MTUS2: variants seen among roughly 807,000 people sequenced by gnomAD.
The protein encoded by MTUS2 is microtubule associated scaffold protein 2, also known as microtubule-associated tumor suppressor candidate 2.
MTUS2 carries 40 observed loss-of-function variants against 114.1 expected under a neutral mutation model. The observed-to-expected ratio is 0.35, with a 90% CI of 0.27 to 0.46. MTUS2 has a LOEUF of 0.46. Among genes scored for constraint, MTUS2 ranks in the 20% least tolerant of loss-of-function variants. MTUS2 has a pLI of 1.00. For missense variants in MTUS2, 1,679 were observed against 1,705.4 expected, an observed-to-expected ratio of 0.98 and a Z score of 0.27; for synonymous variants, 688 against 672.0, an observed-to-expected ratio of 1.02 and a Z score of -0.37.
chr13:29,139,683 T>C (rs1475465), intron 5 of MTUS2, among the ~76,000 whole-genome samples: 115,009 of 152,114 alleles, frequency 0.76, 43,780 homozygotes, highest in African/African-American at 0.82. Context: ...CATTGTCTTA[T>C]ATTATAAGGA....
At chr13:28,994,884 G>A (rs1180165205) in intron 2 of MTUS2, among the ~76,000 whole-genome samples, 1 of 152,096 alleles carries the variant, frequency 6.6e-6, no homozygotes, top group Non-Finnish European at 1.5e-5. Context: ...TTCTTTTGCT[G>A]TGCAGAAGCT....
intron 5 of MTUS2, among the ~76,000 whole-genome samples, chr13:29,180,817 A>G (rs1163550768): frequency 6.6e-6 from 1 of 152,192 alleles, no homozygotes; most frequent in South Asian, 2.1e-4. Flanking sequence ...TGTCCGGGGT[A>G]GCCTTTGGCC....
At chr13:28,844,242 G>T (rs1875708554) in intron 2 of MTUS2, among the ~76,000 whole-genome samples, 1 of 152,160 alleles carries the variant, frequency 6.6e-6, no homozygotes, top group Non-Finnish European at 1.5e-5. Flanking sequence ...TTTGAAGGTT[G>T]AGTTTGGTTT....
chr13:28,946,279 G>A (rs972157697), intron 2 of MTUS2, among the ~76,000 whole-genome samples: 2 of 68,634 alleles, frequency 2.9e-5, no homozygotes, highest in Non-Finnish European at 7.6e-5. Flanking sequence ...CTGCGTGTGT[G>A]TGTGTGTGTG....
At chr13:28,880,972 A>G (rs575329473) in intron 2 of MTUS2, among the ~76,000 whole-genome samples, 1 of 152,276 alleles carries the variant, frequency 6.6e-6, no homozygotes, top group African/African-American at 2.4e-5. Flanking sequence ...AATCACCAAG[A>G]TACTTTTGTT....
intron 2 of MTUS2, among the ~76,000 whole-genome samples, chr13:28,905,635 G>A (rs1285019598): frequency 6.6e-6 from 1 of 151,654 alleles, no homozygotes; most frequent in East Asian, 1.9e-4. Flanking sequence ...GCTTTTTGAT[G>A]TGCTGCTGGA....
At chr13:29,436,671 G>T (rs1019314552) in intron 8 of MTUS2, among the ~76,000 whole-genome samples, 1 of 151,964 alleles carries the variant, frequency 6.6e-6, no homozygotes, top group African/African-American at 2.4e-5. Context: ...GGGTGGATGG[G>T]GTCATTTTCA....
chr13:29,020,983 T>A (rs1478005597), intron 2 of MTUS2, among the ~76,000 whole-genome samples: 1 of 152,234 alleles, frequency 6.6e-6, no homozygotes, highest in African/African-American at 2.4e-5. Context: ...AATTAAATTT[T>A]AGGCCAGGTG....
rs1188425783 is a variant in MTUS2 at position 28,820,418 on chromosome 13, AGGGCAAGTTTATCTCCCCCC to A, written c.-508_-489del. ...ACCTGCGCCGCCGCCGCCGGCTCTC[AGGGCAAGTTTATCTCCCCCC>A]TTCTGCGGAAACCCTTGACCGCTTA... On this transcript the variant is annotated 5_prime_UTR_variant, in exon 1 of 16. Transcript: ENST00000612955. 3 of 151,964 alleles carry A rather than the reference AGGGCAAGTTTATCTCCCCCC, an allele frequency of 2.0e-5. No individual in the cohort carries two copies. The highest frequency in any genetic ancestry group is 4.4e-5 in the Non-Finnish European group (3 of 68,014). The allele number at this position is 151,964 out of a possible 1,614,324, so 9.4% of individuals were successfully genotyped here. A position where few individuals can be genotyped will look rare whatever the true frequency, so the allele number is the denominator to read the frequency against.
chr13:29,462,461 G>A (rs929083738), intron 9 of MTUS2, among the ~76,000 whole-genome samples: 1 of 152,144 alleles, frequency 6.6e-6, no homozygotes, highest in Admixed American at 6.5e-5. Flanking sequence ...AGAGAAAACA[G>A]TTGGGGCCAT....
chr13:29,326,400 G>C (rs1223630742), intron 7 of MTUS2, among the ~76,000 whole-genome samples: 1 of 152,122 alleles, frequency 6.6e-6, no homozygotes, highest in Non-Finnish European at 1.5e-5. Flanking sequence ...TCTAGAGAAA[G>C]AGTAAAAATA....
chr13:28,881,937 G>T (rs897039046), intron 2 of MTUS2, among the ~76,000 whole-genome samples: 1 of 152,166 alleles, frequency 6.6e-6, no homozygotes, highest in African/African-American at 2.4e-5. Flanking sequence ...TTTTGACAAA[G>T]GTATCAAGGT....
chr13:28,872,238 A>C (rs1437378525), intron 2 of MTUS2, among the ~76,000 whole-genome samples: 1 of 152,126 alleles, frequency 6.6e-6, no homozygotes, highest in East Asian at 1.9e-4. Flanking sequence ...GGATGTTTTA[A>C]AAGATATGTT....
chr13:29,389,359 G>GTATA, intron 8 of MTUS2, among the ~76,000 whole-genome samples: 2 of 82,798 alleles, frequency 2.4e-5, no homozygotes, highest in Non-Finnish European at 4.6e-5. Flanking sequence ...GTGTATATAT[G>GTATA]TATGCACGTG....
At chr13:28,846,725 A>G (rs1422036530) in intron 2 of MTUS2, among the ~76,000 whole-genome samples, 1 of 152,248 alleles carries the variant, frequency 6.6e-6, no homozygotes, top group Non-Finnish European at 1.5e-5. Flanking sequence ...GAAACAATGA[A>G]TCTTAATAGA....
chr13:28,833,839 A>C (rs1874877250), intron 1 of MTUS2, among the ~76,000 whole-genome samples: 1 of 152,134 alleles, frequency 6.6e-6, no homozygotes. Flanking sequence ...AAGTTCAGTA[A>C]GGTGGCCATA....
chr13:28,928,199 A>G (rs1268038976), intron 2 of MTUS2, among the ~76,000 whole-genome samples: 1 of 152,184 alleles, frequency 6.6e-6, no homozygotes, highest in Non-Finnish European at 1.5e-5. Context: ...GGGTAAAAAA[A>G]AAATTTTGTG....
intron 4 of MTUS2, among the ~76,000 whole-genome samples, chr13:29,046,037 A>G (rs1179303507): frequency 6.6e-6 from 1 of 152,138 alleles, no homozygotes; most frequent in Non-Finnish European, 1.5e-5. Context: ...CCCCGTGCTT[A>G]CAAATGACTC....
chr13:29,249,818 C>T (rs1253835755), intron 5 of MTUS2, among the ~76,000 whole-genome samples: 4 of 152,060 alleles, frequency 2.6e-5, no homozygotes, highest in Admixed American at 6.5e-5. Context: ...AATTGGCTAG[C>T]CATATGCAGA....
Sources: gnomAD v4.1 joint callset for allele counts (sites outside exome capture counted in the v4.1 genomes callset) on GRCh38, gnomAD v4.1.1 for gene constraint, MANE v1.5 for transcripts, NCBI Gene and HGNC (gene_info 2026-07-23, HGNC 2026-07-21) for gene names.